Variants in UNC80 observed in about 807,000 individuals in gnomAD.
UNC80 encodes unc-80 subunit of NALCN channel complex, also known as protein unc-80 homolog.
Under a neutral mutation model 384.6 loss-of-function variants are expected in UNC80, and 164 were observed. The observed-to-expected ratio is 0.43, with a 90% confidence interval of 0.38 to 0.49. The LOEUF (loss-of-function observed/expected upper bound fraction) is 0.49, where lower values mean the gene tolerates loss of function less well. Ranked by LOEUF, UNC80 falls within the 20% of genes least tolerant of loss-of-function variation. The probability of loss-of-function intolerance (pLI) is 0.00; values close to 1 mark genes in which losing one functional copy is unlikely to be tolerated. For missense variants in UNC80, 3,330 were observed against 4,143.0 expected, an observed-to-expected ratio of 0.80 and a Z score of 5.39; for synonymous variants, 1,486 against 1,527.8, an observed-to-expected ratio of 0.97 and a Z score of 0.64.
intron 13 of UNC80, among the ~76,000 whole-genome samples, chr2:209,821,116 T>C (rs2080104216): frequency 6.7e-6 from 1 of 150,240 alleles, no homozygotes; most frequent in Admixed American, 6.7e-5. Context: ...TTCTGGAGGC[T>C]GGGAAGTCCA....
At chr2:209,905,104 A>T in intron 29 of UNC80, 139 bp downstream of exon 29, 1 of 843,618 alleles carries the variant, frequency 1.2e-6, no homozygotes. Flanking sequence ...AGCAGAAGAG[A>T]TGTACAAGAA....
intron 35 of UNC80, 144 bp downstream of exon 35, chr2:209,922,527 G>A: frequency 1.9e-6 from 2 of 1,059,666 alleles, no homozygotes; most frequent in Non-Finnish European, 1.3e-6. Context: ...AATTAGCATG[G>A]CATCCTTTAA....
chr2:209,808,381 G>A (rs1395929325), intron 7 of UNC80, among the ~76,000 whole-genome samples: 1 of 152,060 alleles, frequency 6.6e-6, no homozygotes, highest in Non-Finnish European at 1.5e-5. Flanking sequence ...TGGCCAACAT[G>A]GAGAAACCTC....
chr2:209,865,668 T>A (rs896188239), intron 22 of UNC80, among the ~76,000 whole-genome samples: 3 of 152,220 alleles, frequency 2.0e-5, no homozygotes, highest in Non-Finnish European at 4.4e-5. Flanking sequence ...TGCATTAATA[T>A]TCACAAATTA....
At chr2:209,886,811 G>A (rs36006352) in intron 25 of UNC80, among the ~76,000 whole-genome samples, 18,769 of 152,128 alleles carry the variant, frequency 0.12, 1,339 homozygotes, top group South Asian at 0.26. Context: ...TTTCTGCTGT[G>A]ACAAACTACC....
intron 58 of UNC80, among the ~76,000 whole-genome samples, chr2:209,978,123 A>G (rs1347739532): frequency 6.6e-6 from 1 of 152,226 alleles, no homozygotes; most frequent in Non-Finnish European, 1.5e-5. Context: ...GGTTCACATC[A>G]GACAACTTAT....
intron 33 of UNC80, among the ~76,000 whole-genome samples, chr2:209,921,115 A>C (rs1466784814): frequency 1.3e-5 from 2 of 152,222 alleles, no homozygotes; most frequent in Non-Finnish European, 2.9e-5. Flanking sequence ...GACGTGAGCC[A>C]CCACACCTGG....
chr2:209,965,934 C>CAAAA lies in UNC80; in HGVS notation c.7806-1489_7806-1486dup, dbSNP rs112429893. On this transcript the variant is annotated intron_variant, in intron 51 of 64. Transcript: ENST00000673920. ...GAGCTTTTCCAGTACAAACTTGTCT[C>CAAAA]AAAAAAAAAAAAAAAAATCTTATTT... Among the ~76,000 whole-genome samples the CAAAA allele has an allele frequency of 2.3e-3, 289 of 125,822 alleles. 2 individuals carry two copies. Among genetic ancestry groups the CAAAA allele is most frequent in the African/African-American group, 7.9e-3 (279 of 35,374 alleles). 82.5% of individuals were successfully genotyped at this position (125,822 alleles called of 152,430 possible).
intron 26 of UNC80, among the ~76,000 whole-genome samples, chr2:209,890,413 T>C (rs528387942): frequency 1.3e-5 from 2 of 152,236 alleles, no homozygotes; most frequent in African/African-American, 2.4e-5. Context: ...CCCCTCACTA[T>C]CACTTGATTC....
chr2:209,874,419 C>T (rs2084588992), intron 23 of UNC80, among the ~76,000 whole-genome samples: 1 of 152,200 alleles, frequency 6.6e-6, no homozygotes, highest in African/African-American at 2.4e-5. Flanking sequence ...TTAAGTGCTA[C>T]ACATTTGAGA....
chr2:209,828,595 C>T (rs1251664465), intron 14 of UNC80, among the ~76,000 whole-genome samples: 1 of 152,004 alleles, frequency 6.6e-6, no homozygotes, highest in African/African-American at 2.4e-5. Context: ...TTCTGGGCCA[C>T]AATTAAGGAC....
intron 4 of UNC80, among the ~76,000 whole-genome samples, chr2:209,777,994 C>A (rs1275827227): frequency 1.3e-5 from 2 of 152,156 alleles, no homozygotes; most frequent in Non-Finnish European, 2.9e-5. Context: ...CCTCAAAATG[C>A]AACTTTAATA....
At chr2:209,971,187 A>G (rs1233715667) in intron 54 of UNC80, among the ~76,000 whole-genome samples, 1 of 152,214 alleles carries the variant, frequency 6.6e-6, no homozygotes, top group Non-Finnish European at 1.5e-5. Flanking sequence ...GTCCTGCCAC[A>G]ACTTCAGGAA....
intron 7 of UNC80, among the ~76,000 whole-genome samples, chr2:209,806,397 T>G (rs1199038464): frequency 6.6e-6 from 1 of 152,176 alleles, no homozygotes; most frequent in African/African-American, 2.4e-5. Flanking sequence ...ATACTCAAGC[T>G]CTCTCTCTAT....
chr2:209,996,800 A>AT lies in UNC80; in HGVS notation c.*1209dup, dbSNP rs929988365. On this transcript the variant is annotated 3_prime_UTR_variant, in exon 65 of 65. Coordinates refer to ENST00000673920, the MANE Select transcript of UNC80 (RefSeq NM_001371986.1). ...ACGTGGTTCACAATTGAATTTCAAA[A>AT]TTTTAACAGTTTACATTAGAAAACT... 3.3e-5 allele frequency: 5 copies of AT among 152,200 alleles called. No individual in the cohort carries two copies. The highest frequency in any genetic ancestry group is 5.9e-5 in the Non-Finnish European group (4 of 68,020). The allele number at this position is 152,200 out of a possible 1,614,324, so 9.4% of individuals were successfully genotyped here.
intron 18 of UNC80, among the ~76,000 whole-genome samples, chr2:209,836,924 T>A (rs941223900): frequency 4.6e-5 from 7 of 152,200 alleles, no homozygotes; most frequent in Non-Finnish European, 7.4e-5. Flanking sequence ...AATTGAGAAA[T>A]TATAGCCTCC....
At chr2:209,975,705 T>A (rs1243260316) in intron 56 of UNC80, among the ~76,000 whole-genome samples, 1 of 152,198 alleles carries the variant, frequency 6.6e-6, no homozygotes, top group African/African-American at 2.4e-5. Flanking sequence ...AGGAAAAGAT[T>A]TTTAAGATCC....
At chr2:209,930,933 T>C (rs574271762) in intron 37 of UNC80, 35 bp from the exon 38 acceptor site, 40 of 1,434,008 alleles carry the variant, frequency 2.8e-5, no homozygotes, top group Non-Finnish European at 3.5e-5. Flanking sequence ...GCATGGCAGC[T>C]GAAGGAAACA....
At position 209,894,305 on chromosome 2, in the gene UNC80, C is replaced by A; in HGVS notation, c.4419C>A (p.Asp1473Glu). 3.0e-6 allele frequency: 3 copies of A among 985,300 alleles called. No individual in the cohort carries two copies. The highest frequency in any genetic ancestry group is 3.6e-6 in the Non-Finnish European group (3 of 829,928). 61.0% of individuals were successfully genotyped at this position (985,300 alleles called of 1,614,324 possible). A position where few individuals can be genotyped will look rare whatever the true frequency, so the allele number is the denominator to read the frequency against. Reference sequence around the variant, plus strand: ...AGAGCAGCAAGTTATCACGGCAGGACTCAGAGTCTGAGGCTGAGGAGCTGC... The same window carrying A: ...AGAGCAGCAAGTTATCACGGCAGGAATCAGAGTCTGAGGCTGAGGAGCTGC... ...SLKSSKLSRQ[D>E]SESEAEELQL... is the part of the protein sequence containing the mutation. The change falls in exon 27 of 65, where the codon GAC becomes GAA. Residue 1473 changes from aspartate to glutamate, a missense_variant. Physicochemically the swap from Asp to Glu is conservative, Grantham distance 45. Around this residue, in one of 8 missense-constraint regions of UNC80, gnomAD observed 801 missense variants for 950.8 expected, o/e 0.84. Transcript: ENST00000673920.
Sources: gnomAD v4.1 joint callset for allele counts (sites outside exome capture counted in the v4.1 genomes callset) on GRCh38, gnomAD v4.1.1 for gene constraint, gnomAD v4.1.1 regional missense constraint, MANE v1.5 for transcripts, NCBI Gene and HGNC (gene_info 2026-07-23, HGNC 2026-07-21) for gene names.